ADAMTSL4: variants seen among roughly 807,000 people sequenced by gnomAD.
ADAMTSL4 encodes the protein ADAMTS like 4.
A neutral mutation model predicts 122.8 loss-of-function variants in ADAMTSL4; 97 were observed. The observed-to-expected ratio is 0.79, with a 90% CI of 0.67 to 0.93. The LOEUF is 0.93. Among genes scored for constraint, ADAMTSL4 ranks in the 40% least tolerant of loss-of-function variants. ADAMTSL4 has a pLI of 0.00. For synonymous variants in ADAMTSL4, 592 were observed against 568.0 expected (o/e 1.04, Z -0.60); for missense variants, 1,408 against 1,453.5 (o/e 0.97, Z 0.51).
rs1672184649 is a variant in ADAMTSL4, at chr1:150,556,855, CTG to C, written c.1749+65_1749+66del. The stretch of plus-strand genomic sequence containing the variant: ...GGGAGGCTGTTCCCTCTGGGCAGAG[CTG>C]TGGTTGTCAAGATGGGAGAGAGAGC... On this transcript the variant is annotated intron_variant, in intron 10 of 18. Coordinates refer to ENST00000271643, the MANE Select transcript of ADAMTSL4 (RefSeq NM_019032.6). The surrounding 1 kb of genome is among the most constrained non-coding windows in gnomAD (Gnocchi z 4.1). 1 of 1,611,946 alleles carries C rather than the reference CTG, an allele frequency of 6.2e-7. No homozygotes were observed. Among genetic ancestry groups the C allele is most frequent in the South Asian group, 1.1e-5 (1 of 91,008 alleles).
At chr1:150,555,759 GCACATGCATATGCAGA>G (rs1560293888) in intron 8 of ADAMTSL4, among the ~76,000 whole-genome samples, 194 bp downstream of exon 8, 2 of 150,212 alleles carry the variant, frequency 1.3e-5, no homozygotes, top group Non-Finnish European at 3.0e-5. Context: ...GCACACACAT[GCACATGCATATGCAGA>G]CACATGCATG....
chr1:150,551,221 G>A (rs1236195815), intron 2 of ADAMTSL4: 1 of 351,022 alleles, frequency 2.8e-6, no homozygotes, highest in Non-Finnish European at 5.7e-6. Context: ...TCTCCTTCCC[G>A]CTTCCCCAGC....
rs778236726 is a variant in ADAMTSL4, at chr1:150,552,936, G to A, written c.117G>A (p.Glu39=). Residue 39 remains glutamate, a synonymous_variant, in exon 5 of 19, where the codon GAG becomes GAA. Transcript: ENST00000271643. This position sits in a 1 kb window ranked among gnomAD's most constrained non-coding sequence, Gnocchi z 4.0. ...ACTCTCTTCAGACACCTACAGAGGA[G>A]GGCCAGGGCCCCGAAGGTGTCTGGG... is the stretch of plus-strand genomic sequence containing the variant. ...SGHSLQTPTE[E]GQGPEGVWGP... 3.7e-6 allele frequency: 6 copies of A among 1,612,898 alleles called. No homozygotes were observed. In the African/African-American group the frequency reaches 5.3e-5, roughly 14 times the overall value.
intron 8 of ADAMTSL4, 85 bp downstream of exon 8, chr1:150,555,650 T>A (rs587615583): frequency 6.6e-7 from 1 of 1,524,802 alleles, no homozygotes; most frequent in African/African-American, 1.5e-5. Flanking sequence ...TGTACACACA[T>A]ATGTATGAAC....
Position 150,558,520 on chromosome 1 carries a change from T to C in ADAMTSL4, c.2430T>C (p.Cys810=). Residue 810 remains cysteine (C), a synonymous_variant, in exon 15 of 19, where the codon TGT becomes TGC. Transcript: ENST00000271643. ...GCCAGAGAAGCCGGCAGGTTCGCTGTGTTGGGAACAATGGTGATGAAGTGA... is the reference window on the plus strand; with the variant it reads ...GCCAGAGAAGCCGGCAGGTTCGCTGCGTTGGGAACAATGGTGATGAAGTGA... The part of the protein sequence containing the change: ...GRGQRSRQVR[C]VGNNGDEVSE... The C allele has an allele frequency of 6.2e-7, 1 of 1,613,840 alleles. No homozygotes were observed. Among genetic ancestry groups the C allele is most frequent in the Non-Finnish European group, 8.5e-7 (1 of 1,179,992 alleles).
chr1:150,558,109 G>C lies in ADAMTSL4; in HGVS notation c.2342G>C (p.Arg781Pro), dbSNP rs774178865. The C allele has an allele frequency of 1.9e-6, 3 of 1,613,344 alleles. No individual in the cohort carries two copies. In the Admixed American group the frequency reaches 5.0e-5, roughly 27 times the overall value. The change falls in exon 14 of 19, where the codon CGC becomes CCC. Residue 781 changes from arginine (R) to proline (P), a missense_variant. Transcript: ENST00000271643. ...AACATCACCCAGTCTTGCCAGCTGC[G>C]CCTCTGTGGCCATTGGGAAGTTGGC... ...RPNITQSCQL[R>P]LCGHWEVGSP...
In ADAMTSL4 at chr1:150,556,852, G is replaced by T; in HGVS notation, c.1749+59G>T. The T allele has an allele frequency of 6.2e-7, 1 of 1,611,980 alleles. No homozygotes were observed. The highest frequency in any genetic ancestry group is 1.7e-5 in the Admixed American group (1 of 59,976). ...GGAGGGAGGCTGTTCCCTCTGGGCA[G>T]AGCTGTGGTTGTCAAGATGGGAGAG... On this transcript the variant is annotated intron_variant, in intron 10 of 18. Coordinates refer to ENST00000271643, the MANE Select transcript of ADAMTSL4 (RefSeq NM_019032.6). The surrounding 1 kb of genome is among the most constrained non-coding windows in gnomAD (Gnocchi z 4.1).
At chr1:150,558,269 AC>A (rs1258397499) in intron 14 of ADAMTSL4, 120 bp downstream of exon 14, 17 of 1,545,250 alleles carry the variant, frequency 1.1e-5, no homozygotes, top group Non-Finnish European at 1.4e-5. Context: ...TTTCATATGG[AC>A]CCCCAATATA....
intron 13 of ADAMTSL4, 143 bp downstream of exon 13, chr1:150,557,766 T>TA: frequency 1.5e-6 from 2 of 1,332,120 alleles, no homozygotes; most frequent in Non-Finnish European, 2.0e-6. Flanking sequence ...AGACATTCGG[T>TA]AGGCAGCAAG....
Position 150,552,738 on chromosome 1 carries a change from G to C in ADAMTSL4, c.78+138G>C. The stretch of plus-strand genomic sequence containing the variant: ...TCCCCTGCCAACTCCCCAGTTCCTT[G>C]CCTCATAACACCAAGAGGCCGAGGT... On this transcript the variant is annotated intron_variant, in intron 4 of 18. Coordinates refer to ENST00000271643, the MANE Select transcript of ADAMTSL4 (RefSeq NM_019032.6). This position sits in a 1 kb window ranked among gnomAD's most constrained non-coding sequence, Gnocchi z 4.0. The C allele has an allele frequency of 2.3e-6, 3 of 1,318,310 alleles. No homozygotes were observed. Among genetic ancestry groups the C allele is most frequent in the Non-Finnish European group, 3.2e-6 (3 of 936,832 alleles). 81.7% of individuals were successfully genotyped at this position (1,318,310 alleles called of 1,614,324 possible).
Position 150,560,156 on chromosome 1 carries a change from G to C in ADAMTSL4, c.3185G>C (p.Cys1062Ser). The change falls in exon 19 of 19, where the codon TGC becomes TCC. Residue 1062 changes from cysteine to serine, a missense_variant. Physicochemically the swap from Cys to Ser is moderately radical, Grantham distance 112. Transcript: ENST00000271643. The part of the protein sequence containing the change: ...PYYTATCCRS[C>S]AHVLERSPQD... ...TACACAGCCACCTGTTGCCGCTCTT[G>C]CGCACATGTCCTGGAGCGGTCTCCC... 1 of 1,614,080 alleles carries C rather than the reference G, an allele frequency of 6.2e-7. No homozygotes were observed. Among genetic ancestry groups the C allele is most frequent in the Non-Finnish European group, 8.5e-7 (1 of 1,180,022 alleles).
At position 150,557,038 on chromosome 1, in the gene ADAMTSL4, C is replaced by T. The variant is rs1672208678; in HGVS notation, c.1849C>T (p.Gln617Ter). ...ENPTPEPPVP[Q>*]LQPEILRVEP... The stretch of plus-strand genomic sequence containing the variant: ...CCCCACCCCAGAGCCCCCTGTCCCC[C>T]AGCTTCAGCCGGGTAAGACTCTGAC... Residue 617 changes from glutamine (Q) to a stop codon, truncating the protein, a stop_gained, in exon 11 of 19, where the codon CAG (glutamine) becomes TAG (stop). Transcript: ENST00000271643. LOFTEE classifies it high-confidence loss of function. 1.2e-6 allele frequency: 2 copies of T among 1,613,782 alleles called. No homozygotes were observed. The highest frequency in any genetic ancestry group is 2.7e-5 in the African/African-American group (2 of 74,906).
rs1329564363 is a variant in ADAMTSL4 at position 150,556,797 on chromosome 1, A to G, written c.1749+4A>G. On this transcript the variant is annotated splice_donor_region_variant and intron_variant, in intron 10 of 18. Coordinates refer to ENST00000271643, the MANE Select transcript of ADAMTSL4 (RefSeq NM_019032.6). This position sits in a 1 kb window ranked among gnomAD's most constrained non-coding sequence, Gnocchi z 4.1. The stretch of plus-strand genomic sequence containing the variant: ...CACCCAGCCTGTGGATGTCTATGTG[A>G]GCCTGGGGCCAGGGGCAGCTGAATG... The G allele has an allele frequency of 6.2e-7, 1 of 1,612,858 alleles. No homozygotes were observed. The highest frequency in any genetic ancestry group is 8.5e-7 in the Non-Finnish European group (1 of 1,179,360).
rs1348452059 is a variant in ADAMTSL4, at chr1:150,559,663, TCCC to T, written c.2944-96_2944-94del. On this transcript the variant is annotated intron_variant, in intron 17 of 18. Coordinates refer to ENST00000271643, the MANE Select transcript of ADAMTSL4 (RefSeq NM_019032.6). This position sits in a 1 kb window ranked among gnomAD's most constrained non-coding sequence, Gnocchi z 4.1. ...GGGATTTCACAATGTCCTAGGAGGG[TCCC>T]CACCACCACCTTTTGGGGAGAGAGG... The T allele has an allele frequency of 6.3e-7, 1 of 1,599,766 alleles. No homozygotes were observed. Among genetic ancestry groups the T allele is most frequent in the African/African-American group, 1.3e-5 (1 of 74,632 alleles).
Position 150,559,827 on chromosome 1 carries a change from C to G in ADAMTSL4, c.3010C>G (p.Leu1004Val), listed in dbSNP as rs1216357579. 6.2e-7 allele frequency: 1 copy of G among 1,613,920 alleles called. No homozygotes were observed. The highest frequency in any genetic ancestry group is 1.3e-5 in the African/African-American group (1 of 74,908). ...EVQCLSTNQT[L>V]STRCPPQLRP... Reference sequence around the variant, plus strand: ...CCAGTGCCTGAGCACCAACCAGACCCTCAGCACCCGATGCCCTCCTCAACT... The same window carrying G: ...CCAGTGCCTGAGCACCAACCAGACCGTCAGCACCCGATGCCCTCCTCAACT... Residue 1004 changes from leucine (L) to valine (V), a missense_variant, in exon 18 of 19, where the codon CTC (leucine) becomes GTC (valine). Leu to Val is a conservative substitution (Grantham distance 32). Coordinates refer to ENST00000271643, the MANE Select transcript of ADAMTSL4 (RefSeq NM_019032.6). This position sits in a 1 kb window ranked among gnomAD's most constrained non-coding sequence, Gnocchi z 4.1.
In ADAMTSL4 at chr1:150,557,938, C is replaced by G; in HGVS notation, c.2178-7C>G. On this transcript the variant is annotated splice_polypyrimidine_tract_variant and splice_region_variant and intron_variant, in intron 13 of 18. Coordinates refer to ENST00000271643, the MANE Select transcript of ADAMTSL4 (RefSeq NM_019032.6). ...CCGCCTCTTCCCTGCCCTGCTGGTG[C>G]CTGCAGCTGGGAGGCTGGCGAGTGG... is the stretch of plus-strand genomic sequence containing the variant. 1 of 1,604,410 alleles carries G rather than the reference C, an allele frequency of 6.2e-7. No homozygotes were observed. The highest frequency in any genetic ancestry group is 8.5e-7 in the Non-Finnish European group (1 of 1,179,574).
intron 8 of ADAMTSL4, chr1:150,555,893 T>C: frequency 1.7e-6 from 1 of 603,078 alleles, no homozygotes; most frequent in Non-Finnish European, 3.0e-6. Context: ...ACACACGTAT[T>C]TGCACAGTCT....
rs1570935715 is a variant in ADAMTSL4, at chr1:150,554,876, C to G, written c.1234+409C>G. ...ATTTTAGGCCTGTGTTAACTTGACACCGGGATAAGCACTCAAGAGCTCTGA... is the reference window on the plus strand; with the variant it reads ...ATTTTAGGCCTGTGTTAACTTGACAGCGGGATAAGCACTCAAGAGCTCTGA... On this transcript the variant is annotated intron_variant, in intron 7 of 18. Transcript: ENST00000271643. The surrounding 1 kb of genome is among the most constrained non-coding windows in gnomAD (Gnocchi z 4.0). 8 of 570,192 alleles carry G rather than the reference C, an allele frequency of 1.4e-5. No individual in the cohort carries two copies. The highest frequency in any genetic ancestry group is 1.5e-5 in the Non-Finnish European group (5 of 323,154). 35.3% of individuals were successfully genotyped at this position (570,192 alleles called of 1,614,324 possible). A position where few individuals can be genotyped will look rare whatever the true frequency, so the allele number is the denominator to read the frequency against.
Position 150,559,008 on chromosome 1 carries a change from GC to G in ADAMTSL4, c.2608del (p.Ser872ValfsTer76). On this transcript the variant is annotated frameshift_variant, in exon 16 of 19. Coordinates refer to ENST00000271643, the MANE Select transcript of ADAMTSL4 (RefSeq NM_019032.6). LOFTEE classifies it high-confidence loss of function. This position sits in a 1 kb window ranked among gnomAD's most constrained non-coding sequence, Gnocchi z 4.1. ...GGAATCCAGCGGCGCTCTGTGGTCT[GC>G]CTTGGGAGTGGGGCAGCCCTCGGGC... is the stretch of plus-strand genomic sequence containing the variant. ...GTGIQRRSVV[C>X]LGSGAALGPG... 1 of 1,611,734 alleles carries G rather than the reference GC, an allele frequency of 6.2e-7. No homozygotes were observed. Among genetic ancestry groups the G allele is most frequent in the Non-Finnish European group, 8.5e-7 (1 of 1,179,784 alleles).
Sources: gnomAD v4.1 joint callset for allele counts (sites outside exome capture counted in the v4.1 genomes callset) on GRCh38, gnomAD v4.1.1 for gene constraint, Gnocchi (gnomAD v3.1) non-coding constraint, MANE v1.5 for transcripts, NCBI Gene and HGNC (gene_info 2026-07-23, HGNC 2026-07-21) for gene names.